The following RNF220 variants were observed in gnomAD, a reference collection of about 807,000 sequenced individuals.
The protein encoded by RNF220 is E3 ubiquitin-protein ligase RNF220.
In RNF220, 7 loss-of-function variants were observed where a neutral mutation model predicts 67.1. The ratio of observed to expected loss-of-function variants is 0.10; its 90% CI spans 0.06 to 0.20. The LOEUF (loss-of-function observed/expected upper bound fraction) is 0.20. Among genes scored for constraint, RNF220 ranks in the 10% least tolerant of loss-of-function variants. RNF220 has a pLI of 1.00. For synonymous variants in RNF220, 270 were observed against 283.2 expected (o/e 0.95, Z 0.47); for missense variants, 565 against 740.3 (o/e 0.76, Z 2.75).
chr1:44,632,041 C>T (rs901479919), intron 5 of RNF220: 1 of 1,080,946 alleles, frequency 9.3e-7, no homozygotes, highest in Admixed American at 5.4e-5. Flanking sequence ...GGAATCCGCC[C>T]GCATCGCCGC....
intron 2 of RNF220, among the ~76,000 whole-genome samples, chr1:44,584,909 G>A (rs1445423246): frequency 1.3e-5 from 2 of 152,206 alleles, no homozygotes; most frequent in Non-Finnish European, 2.9e-5. Context: ...ATGTTGGCCA[G>A]GCTGGTCTCG....
chr1:44,632,438 T>G, intron 6 of RNF220, 53 bp downstream of exon 6: 3 of 999,074 alleles, frequency 3.0e-6, no homozygotes, highest in Non-Finnish European at 3.7e-6. Context: ...CCTCCCTCCC[T>G]CCCTCACTGC....
At position 44,645,111 on chromosome 1, in the gene RNF220, G is replaced by A. The variant is rs1304753126; in HGVS notation, c.1310+30G>A. ...GTGTGGGCACAGGCTTGGGCGGGTG[G>A]AGCAGAGAAACAGGAAGCCCTGAGG... On this transcript the variant is annotated intron_variant, in intron 10 of 14. Coordinates refer to ENST00000361799, the MANE Select transcript of RNF220 (RefSeq NM_018150.4). The surrounding 1 kb of genome is among the most constrained non-coding windows in gnomAD (Gnocchi z 5.0). The A allele has an allele frequency of 1.1e-5, 18 of 1,613,784 alleles. No individual in the cohort carries two copies. Among genetic ancestry groups the A allele is most frequent in the Non-Finnish European group, 1.4e-5 (17 of 1,179,708 alleles).
chr1:44,592,954 G>A lies in RNF220; in HGVS notation c.626-21211G>A, dbSNP rs543876297. On this transcript the variant is annotated intron_variant, in intron 2 of 14. Transcript: ENST00000361799. Reference sequence around the variant, plus strand: ...TGGGAGTAGAGGGGGATGCCATGTGGAGAGAAATGAGGATATAAGCTTGAG... The same window carrying A: ...TGGGAGTAGAGGGGGATGCCATGTGAAGAGAAATGAGGATATAAGCTTGAG... Among the ~76,000 whole-genome samples the A allele has an allele frequency of 5.3e-5, 8 of 152,324 alleles. No homozygotes were observed. In the South Asian group the frequency reaches 1.7e-3, roughly 32 times the overall value.
rs1662245645 is a variant in RNF220 at position 44,547,310 on chromosome 1, C to T, written c.626-66855C>T. Among the ~76,000 whole-genome samples the T allele has an allele frequency of 2.0e-5, 3 of 152,338 alleles. No homozygotes were observed. The South Asian group carries it at 6.2e-4, about 32-fold the overall frequency. On this transcript the variant is annotated intron_variant, in intron 2 of 14. Coordinates refer to ENST00000361799, the MANE Select transcript of RNF220 (RefSeq NM_018150.4). ...AAGGCTTTTTTATATTTAACCACTT[C>T]CATTCTCTCCACTGGCTCATTTCTG...
chr1:44,480,067 CT>C (rs1655656182), intron 2 of RNF220, among the ~76,000 whole-genome samples: 1 of 152,138 alleles, frequency 6.6e-6, no homozygotes, highest in South Asian at 2.1e-4. Flanking sequence ...TGTCACATAT[CT>C]TTGTGTTTTG....
chr1:44,647,627 C>A (rs1644688695), intron 12 of RNF220, among the ~76,000 whole-genome samples: 1 of 152,184 alleles, frequency 6.6e-6, no homozygotes. Context: ...ACTAAGGAGT[C>A]ACGCTCTGTG....
chr1:44,552,563 C>CTTTTTTTTTTTT (rs368891059), intron 2 of RNF220, among the ~76,000 whole-genome samples: 3 of 71,332 alleles, frequency 4.2e-5, no homozygotes, highest in African/African-American at 5.0e-5. Context: ...TTCTAAACTT[C>CTTTTTTTTTTTT]TTCTTTTTTT....
intron 2 of RNF220, among the ~76,000 whole-genome samples, chr1:44,589,069 C>T (rs1665919090): frequency 6.6e-6 from 1 of 152,260 alleles, no homozygotes; most frequent in South Asian, 2.1e-4. Context: ...TCCTTTCTGA[C>T]TTGCCTGCTC....
upstream of RNF220, chr1:44,405,216 C>T (rs1253545728): frequency 5.8e-6 from 2 of 344,782 alleles, no homozygotes; most frequent in East Asian, 5.9e-5. Flanking sequence ...TGTGTGCGCG[C>T]GTGTGTGTGT....
intron 2 of RNF220, among the ~76,000 whole-genome samples, chr1:44,447,210 G>A (rs1215560080): frequency 6.6e-6 from 1 of 152,240 alleles, no homozygotes; most frequent in Admixed American, 6.5e-5. Context: ...GTAGGAAGAA[G>A]AGAGGCTTTG....
At chr1:44,632,148 G>A in intron 5 of RNF220, 195 bp from the exon 6 acceptor site, 5 of 1,541,172 alleles carry the variant, frequency 3.2e-6, no homozygotes, top group Non-Finnish European at 4.4e-6. Context: ...AGCAGCGCCC[G>A]GCGGCTATGC....
Position 44,529,367 on chromosome 1 carries a change from A to ACG in RNF220, c.626-84798_626-84797insCG, listed in dbSNP as rs199733500. On this transcript the variant is annotated intron_variant, in intron 2 of 14. Coordinates refer to ENST00000361799, the MANE Select transcript of RNF220 (RefSeq NM_018150.4). ...AGGAATTACACACACACACACACAC[A>ACG]AACACACACACACACATATTTTTAG... Among the ~76,000 whole-genome samples, 353 of 151,684 alleles carry ACG rather than the reference A, an allele frequency of 2.3e-3. 12 individuals carry two copies. In the East Asian group the frequency reaches 0.054, roughly 23 times the overall value.
chr1:44,481,088 G>A (rs752218510), intron 2 of RNF220, among the ~76,000 whole-genome samples: 15 of 152,224 alleles, frequency 9.9e-5, no homozygotes, highest in Non-Finnish European at 1.8e-4. Context: ...GAAAATGTAT[G>A]CAGCAGATGT....
chr1:44,589,630 A>G (rs1442381400), intron 2 of RNF220, among the ~76,000 whole-genome samples: 3 of 150,304 alleles, frequency 2.0e-5, no homozygotes, highest in African/African-American at 2.5e-5. Flanking sequence ...AAAAAAAAAA[A>G]GGAATATCCA....
chr1:44,410,832 G>A (rs916718277), intron 1 of RNF220: 6 of 152,154 alleles, frequency 3.9e-5, no homozygotes, highest in African/African-American at 9.7e-5. Context: ...ACACTAATAA[G>A]TCTTGGTATT....
chr1:44,419,413 A>G (rs1648964790), intron 2 of RNF220: 1 of 152,216 alleles, frequency 6.6e-6, no homozygotes, highest in African/African-American at 2.4e-5. Context: ...TATGAATCAG[A>G]ACACCTGGTA....
intron 2 of RNF220, among the ~76,000 whole-genome samples, chr1:44,428,108 G>A (rs75777035): frequency 1.1e-3 from 173 of 152,238 alleles, no homozygotes; most frequent in Non-Finnish European, 1.1e-3. Context: ...GATGAGTTTA[G>A]CACCCACCCA....
intron 2 of RNF220, among the ~76,000 whole-genome samples, chr1:44,594,903 A>G (rs2148381088): frequency 6.6e-6 from 1 of 152,294 alleles, no homozygotes; most frequent in Admixed American, 6.5e-5. Context: ...CTCCAAAAAA[A>G]GAGGGGGCTC....
Sources: allele counts gnomAD v4.1 joint callset (sites outside exome capture counted in the v4.1 genomes callset), GRCh38; gene constraint gnomAD v4.1.1; non-coding constraint Gnocchi (gnomAD v3.1); transcripts MANE v1.5; gene names NCBI Gene and HGNC (gene_info 2026-07-23, HGNC 2026-07-21).